The following GPHN variants were observed in gnomAD, a reference collection of about 807,000 sequenced individuals.
GPHN encodes the protein gephyrin.
In GPHN, 17 loss-of-function variants were observed where a neutral mutation model predicts 95.5. The ratio of observed to expected loss-of-function variants is 0.18; its 90% confidence interval spans 0.12 to 0.27. GPHN has a LOEUF of 0.27. Ranked by LOEUF, GPHN falls within the 10% of genes least tolerant of loss-of-function variation. GPHN has a pLI of 1.00. For synonymous variants in GPHN, 320 were observed against 322.5 expected (o/e 0.99, Z 0.08); for missense variants, 660 against 978.1 (o/e 0.67, Z 4.34).
At chr14:67,150,444 A>AC (rs1243989578) in intron 18 of GPHN, among the ~76,000 whole-genome samples, 8 of 139,258 alleles carry the variant, frequency 5.7e-5, no homozygotes, top group African/African-American at 2.2e-4. Flanking sequence ...CCGTCTCAAA[A>AC]AAAAAAAACA....
chr14:67,624,585 T>A, the GPHN span, among the ~76,000 whole-genome samples: 1 of 152,102 alleles, frequency 6.6e-6, no homozygotes, highest in Non-Finnish European at 1.5e-5. Flanking sequence ...TAACCGGATC[T>A]CATGAGAACT....
At chr14:67,466,264 T>C in the GPHN span, among the ~76,000 whole-genome samples, 3 of 152,268 alleles carry the variant, frequency 2.0e-5, no homozygotes, top group Non-Finnish European at 2.9e-5. Context: ...GCGGATCTCC[T>C]TCTCTGTAAT....
chr14:66,716,245 A>G (rs1031406565), intron 2 of GPHN, among the ~76,000 whole-genome samples: 11 of 152,152 alleles, frequency 7.2e-5, no homozygotes, highest in African/African-American at 2.7e-4. Flanking sequence ...GCCTTTTACC[A>G]TTATATAATG....
intron 1 of GPHN, among the ~76,000 whole-genome samples, chr14:66,530,314 C>T (rs2058865284): frequency 6.6e-6 from 1 of 152,074 alleles, no homozygotes; most frequent in African/African-American, 2.4e-5. Context: ...GCTGGAGTGT[C>T]CCTGGTCAAC....
At chr14:67,206,725 T>TTTA in the GPHN span, among the ~76,000 whole-genome samples, 1,461 of 151,294 alleles carry the variant, frequency 9.7e-3, 11 homozygotes, top group African/African-American at 0.02. Flanking sequence ...CAAGCAATAA[T>TTTA]TTATTATTAT....
At chr14:67,493,611 G>A in the GPHN span, among the ~76,000 whole-genome samples, 1 of 152,178 alleles carries the variant, frequency 6.6e-6, no homozygotes, top group Non-Finnish European at 1.5e-5. Flanking sequence ...GGGTCAGTGT[G>A]CTTTGGATGC....
At chr14:67,159,590 A>T in intron 19 of GPHN, 102 bp downstream of exon 19, 2 of 778,634 alleles carry the variant, frequency 2.6e-6, no homozygotes, top group South Asian at 2.8e-5. Context: ...TTATGAATTA[A>T]CTATTCCAAA....
chr14:67,514,018 G>A, the GPHN span, among the ~76,000 whole-genome samples: 1 of 152,130 alleles, frequency 6.6e-6, no homozygotes, highest in African/African-American at 2.4e-5. Context: ...GAGAAACCCA[G>A]GCCTCTCAAT....
the GPHN span, among the ~76,000 whole-genome samples, chr14:67,249,703 A>G: frequency 1.2e-3 from 180 of 152,312 alleles, 9 homozygotes; most frequent in East Asian, 0.017. Flanking sequence ...CTTCACACAA[A>G]AAGTTGAGGA....
intron 2 of GPHN, among the ~76,000 whole-genome samples, chr14:66,750,325 G>A (rs370130180): frequency 2.6e-5 from 4 of 151,482 alleles, no homozygotes; most frequent in African/African-American, 7.3e-5. Flanking sequence ...GAGTTCTTTC[G>A]GAAGACATTC....
intron 5 of GPHN, among the ~76,000 whole-genome samples, chr14:66,900,541 TC>T (rs896321821): frequency 6.6e-6 from 1 of 151,756 alleles, no homozygotes; most frequent in Non-Finnish European, 1.5e-5. Context: ...CTTTCCCTCC[TC>T]CCCACTACCC....
chr14:67,198,878 G>A, the GPHN span: 2 of 671,212 alleles, frequency 3.0e-6, no homozygotes, highest in Non-Finnish European at 5.5e-6. Context: ...TGAGTTCAAT[G>A]ATAGGGGTCA....
chr14:66,998,273 T>G (rs943317589), intron 9 of GPHN, among the ~76,000 whole-genome samples: 1 of 152,152 alleles, frequency 6.6e-6, no homozygotes, highest in Non-Finnish European at 1.5e-5. Context: ...TCTCTTTCTG[T>G]CACTCGTGGT....
chr14:67,146,189 CT>C (rs1394081008), intron 18 of GPHN, among the ~76,000 whole-genome samples: 2 of 152,318 alleles, frequency 1.3e-5, no homozygotes, highest in East Asian at 1.9e-4. Context: ...CTCCAACATA[CT>C]GCATGCTAAA....
Position 66,730,304 on chromosome 14 carries a change from C to T in GPHN, c.144-46160C>T, listed in dbSNP as rs2071649979. 1.3e-5 allele frequency among the ~76,000 whole-genome samples: 2 copies of T among 152,272 alleles called. 1 individual carries two copies. Among genetic ancestry groups the T allele is most frequent in the Admixed American group, 1.3e-4 (2 of 15,300 alleles). ...TCAGCCTCCAGGAAACTCACTCAAGCCTTTGAAAATCAGGCTCACCTATTT... is the reference window on the plus strand; with the variant it reads ...TCAGCCTCCAGGAAACTCACTCAAGTCTTTGAAAATCAGGCTCACCTATTT... On this transcript the variant is annotated intron_variant, in intron 2 of 22. Coordinates refer to ENST00000478722, the MANE Select transcript of GPHN (RefSeq NM_020806.5).
At chr14:67,487,213 C>T in the GPHN span, 2 of 152,158 alleles carry the variant, frequency 1.3e-5, no homozygotes, top group Non-Finnish European at 2.9e-5. Context: ...TTAAACTGCC[C>T]CCAGCAGATC....
chr14:66,903,530 T>C (rs1472734906), intron 5 of GPHN, among the ~76,000 whole-genome samples: 1 of 152,202 alleles, frequency 6.6e-6, no homozygotes, highest in African/African-American at 2.4e-5. Context: ...AGTCTATATG[T>C]GTCTTTAGAG....
At chr14:66,874,873 A>G (rs886344586) in intron 4 of GPHN, among the ~76,000 whole-genome samples, 7 of 152,172 alleles carry the variant, frequency 4.6e-5, no homozygotes, top group South Asian at 2.1e-4. Flanking sequence ...ACGTAGCAAG[A>G]CAGGCCAGCA....
At chr14:67,352,853 A>C in the GPHN span, 4 of 1,024,816 alleles carry the variant, frequency 3.9e-6, no homozygotes, top group African/African-American at 1.7e-5. Flanking sequence ...ACAACAACAA[A>C]AAAAAAAATG....
Sources: gnomAD v4.1 joint callset for allele counts (sites outside exome capture counted in the v4.1 genomes callset) on GRCh38, gnomAD v4.1.1 for gene constraint, MANE v1.5 for transcripts, NCBI Gene and HGNC (gene_info 2026-07-23, HGNC 2026-07-21) for gene names.